AKT3: variants seen among roughly 807,000 people sequenced by gnomAD.
AKT3 encodes AKT serine/threonine kinase 3.
In AKT3, 15 loss-of-function variants were observed where a neutral mutation model predicts 65.3. The ratio of observed to expected loss-of-function variants is 0.23; its 90% CI spans 0.15 to 0.35. The LOEUF is 0.35. Ranked by LOEUF, AKT3 falls within the 10% of genes least tolerant of loss-of-function variation. The pLI is 1.00. For synonymous variants in AKT3, 206 were observed against 183.8 expected (o/e 1.12, Z -0.98); for missense variants, 243 against 576.5 (o/e 0.42, Z 5.92).
Position 243,642,516 on chromosome 1 carries a change from A to G in AKT3, c.429+3377T>C, listed in dbSNP as rs112846283. On this transcript the variant is annotated intron_variant, in intron 5 of 13. Transcript: ENST00000673466. ...AGTAGAGACGGGGTTTCACCGTGTT[A>G]GCCAGGATGGTCTCGATCTCCTGAC... 4.6e-3 allele frequency among the ~76,000 whole-genome samples: 707 copies of G among 152,126 alleles called. 4 individuals are homozygous for G. The highest frequency in any genetic ancestry group is 0.012 in the African/African-American group (487 of 41,452).
intron 8 of AKT3, among the ~76,000 whole-genome samples, chr1:243,609,365 T>C (rs1677692714): frequency 6.7e-6 from 1 of 149,776 alleles, no homozygotes; most frequent in East Asian, 2.0e-4. Flanking sequence ...TGTGTGTGTG[T>C]GTACCAACAC....
At chr1:243,797,591 A>C (rs1558820360) in intron 2 of AKT3, among the ~76,000 whole-genome samples, 1 of 152,212 alleles carries the variant, frequency 6.6e-6, no homozygotes, top group Non-Finnish European at 1.5e-5. Flanking sequence ...ACAGCTAGTT[A>C]GGACAATTTG....
chr1:243,754,310 G>A (rs1688986274), intron 2 of AKT3, among the ~76,000 whole-genome samples: 1 of 152,166 alleles, frequency 6.6e-6, no homozygotes, highest in Admixed American at 6.5e-5. Flanking sequence ...TACCACAGTT[G>A]ATAATTACAC....
chr1:243,563,634 C>T (rs1230798864), intron 10 of AKT3, 86 bp downstream of exon 10: 1 of 1,475,350 alleles, frequency 6.8e-7, no homozygotes, highest in African/African-American at 1.4e-5. Context: ...GTAGTAGATA[C>T]TACAGTTAAC....
rs58583422 is a variant in AKT3 at position 243,561,080 on chromosome 1, T to G, written c.948+2640A>C. ...ACCACAAAAATAGAGAATTCTAAAC[T>G]ACAAATTTTTAAAGAGAGAAAATTA... On this transcript the variant is annotated intron_variant, in intron 10 of 13. Transcript: ENST00000673466. 9.9e-3 allele frequency among the ~76,000 whole-genome samples: 1,507 copies of G among 152,188 alleles called. 29 individuals are homozygous for G. The highest frequency in any genetic ancestry group is 0.035 in the African/African-American group (1,454 of 41,562).
chr1:243,546,988 A>G (rs1354216793), intron 11 of AKT3: 3 of 152,228 alleles, frequency 2.0e-5, no homozygotes, highest in African/African-American at 7.2e-5. Flanking sequence ...TCTTTGCTAA[A>G]TGTTTAGTAA....
chr1:243,581,529 G>T (rs2148525622), intron 8 of AKT3, among the ~76,000 whole-genome samples: 1 of 152,018 alleles, frequency 6.6e-6, no homozygotes, highest in African/African-American at 2.4e-5. Flanking sequence ...GAAGGGAGGG[G>T]AAGAAAAGGG....
chr1:243,729,210 G>A (rs1035010326), intron 2 of AKT3, among the ~76,000 whole-genome samples: 1 of 152,164 alleles, frequency 6.6e-6, no homozygotes, highest in African/African-American at 2.4e-5. Context: ...TAAAAGAGAA[G>A]CAGAAATAGA....
At chr1:243,615,686 G>T (rs1268866009) in intron 6 of AKT3, among the ~76,000 whole-genome samples, 1 of 152,004 alleles carries the variant, frequency 6.6e-6, no homozygotes, top group Non-Finnish European at 1.5e-5. Context: ...GAAATAGAAA[G>T]GAACAGAGTA....
At chr1:243,512,510 G>T in intron 12 of AKT3, 84 bp from the exon 13 acceptor site, 1 of 817,252 alleles carries the variant, frequency 1.2e-6, no homozygotes, top group Non-Finnish European at 1.9e-6. Flanking sequence ...AGAGCACGTA[G>T]TTAAATGAAC....
chr1:243,707,122 T>C (rs1685851438), intron 2 of AKT3, among the ~76,000 whole-genome samples: 1 of 152,204 alleles, frequency 6.6e-6, no homozygotes, highest in Admixed American at 6.5e-5. Flanking sequence ...TAAGCATTTG[T>C]TAACTGAATA....
chr1:243,807,368 G>A (rs1692803389), intron 2 of AKT3, among the ~76,000 whole-genome samples: 1 of 152,132 alleles, frequency 6.6e-6, no homozygotes, highest in South Asian at 2.1e-4. Context: ...CTTAGCAAAC[G>A]GCACACCAGG....
chr1:243,578,155 T>C (rs879813617), intron 8 of AKT3, among the ~76,000 whole-genome samples: 20 of 152,020 alleles, frequency 1.3e-4, no homozygotes, highest in Non-Finnish European at 1.0e-4. Flanking sequence ...GAACCAGAAA[T>C]ACCCTTTGAC....
intron 3 of AKT3, among the ~76,000 whole-genome samples, chr1:243,683,301 C>T (rs1398462950): frequency 6.6e-6 from 1 of 151,998 alleles, no homozygotes; most frequent in Admixed American, 6.6e-5. Flanking sequence ...TTCTTTTTTC[C>T]CCTCAGTACC....
intron 3 of AKT3, among the ~76,000 whole-genome samples, chr1:243,674,055 T>G (rs1353372518): frequency 2.6e-5 from 4 of 152,238 alleles, no homozygotes; most frequent in Non-Finnish European, 4.4e-5. Flanking sequence ...TCTGGTACTA[T>G]GCCTAAACAG....
intron 2 of AKT3, among the ~76,000 whole-genome samples, chr1:243,705,760 A>C (rs1442673814): frequency 6.6e-6 from 1 of 152,094 alleles, no homozygotes; most frequent in Non-Finnish European, 1.5e-5. Context: ...AGAATTACTC[A>C]ATCTGTACGC....
chr1:243,692,969 G>C (rs1572180662), intron 3 of AKT3, among the ~76,000 whole-genome samples: 1 of 151,724 alleles, frequency 6.6e-6, no homozygotes, highest in South Asian at 2.1e-4. Flanking sequence ...GTGAGTAAGG[G>C]AGGAAGCTAG....
At position 243,550,658 on chromosome 1, in the gene AKT3, A is replaced by C. The variant is rs1376156859; in HGVS notation, c.1163+2071T>G. 2.0e-5 allele frequency among the ~76,000 whole-genome samples: 3 copies of C among 151,748 alleles called. No homozygotes were observed. The East Asian group carries it at 5.8e-4, about 29-fold the overall frequency. Reference sequence around the variant, plus strand: ...ATTAGACCAAAAAATGAAATAGATAAAAGTCGGCTGGACACGGTGGCTCAT... The same window carrying C: ...ATTAGACCAAAAAATGAAATAGATACAAGTCGGCTGGACACGGTGGCTCAT... On this transcript the variant is annotated intron_variant, in intron 11 of 13. Coordinates refer to ENST00000673466, the MANE Select transcript of AKT3 (RefSeq NM_005465.7).
intron 5 of AKT3, among the ~76,000 whole-genome samples, chr1:243,641,453 TTCC>T (rs1680393709): frequency 6.6e-6 from 1 of 151,526 alleles, no homozygotes. Context: ...GGACAGTATG[TTCC>T]TCATTTTTTT....
Sources: gnomAD v4.1 joint callset for allele counts (sites outside exome capture counted in the v4.1 genomes callset) on GRCh38, gnomAD v4.1.1 for gene constraint, MANE v1.5 for transcripts, NCBI Gene and HGNC (gene_info 2026-07-23, HGNC 2026-07-21) for gene names.